Variants in SELENOT observed in about 807,000 individuals in gnomAD.
SELENOT encodes thioredoxin reductase-like selenoprotein T.
A neutral mutation model predicts 24.3 loss-of-function variants in SELENOT; 9 were observed. That is an observed-to-expected ratio of 0.37 (90% CI 0.22 to 0.65). The LOEUF (loss-of-function observed/expected upper bound fraction) is 0.65, where lower values mean the gene tolerates loss of function less well. Ranked by LOEUF, SELENOT falls within the 30% of genes least tolerant of loss-of-function variation. The pLI is 0.60. For synonymous variants in SELENOT, 81 were observed against 86.0 expected (o/e 0.94, Z 0.32); for missense variants, 166 against 247.6 (o/e 0.67, Z 2.21).
intron 1 of SELENOT, among the ~76,000 whole-genome samples, chr3:150,604,165 G>T (rs1725906962): frequency 6.6e-6 from 1 of 152,186 alleles, no homozygotes; most frequent in African/African-American, 2.4e-5. Flanking sequence ...CAGTTCGCTC[G>T]CATTCCCTCC....
At chr3:150,613,021 T>G (rs566959141) in intron 1 of SELENOT, among the ~76,000 whole-genome samples, 44 of 152,332 alleles carry the variant, frequency 2.9e-4, no homozygotes, top group Admixed American at 1.7e-3. Flanking sequence ...TACTGTACCT[T>G]CTTGAAGATG....
chr3:150,611,992 C>A, intron 1 of SELENOT: 1 of 553,664 alleles, frequency 1.8e-6, no homozygotes, highest in Non-Finnish European at 3.1e-6. Context: ...ACCAACTGGG[C>A]CTGCTGCTGC....
chr3:150,624,809 T>A lies in SELENOT; in HGVS notation c.376-3T>A, dbSNP rs1726406591. Reference sequence around the variant, plus strand: ...TGTTGTGCTTAATTATATTTTCTTTTAGGTTTATGCATGTATGATGGTTTT... The same window carrying A: ...TGTTGTGCTTAATTATATTTTCTTTAAGGTTTATGCATGTATGATGGTTTT... On this transcript the variant is annotated splice_region_variant and splice_polypyrimidine_tract_variant and intron_variant, in intron 3 of 5. Coordinates refer to ENST00000471696, the MANE Select transcript of SELENOT (RefSeq NM_016275.5). 1.3e-6 allele frequency: 2 copies of A among 1,532,074 alleles called. No individual in the cohort carries two copies. Among genetic ancestry groups the A allele is most frequent in the Non-Finnish European group, 8.8e-7 (1 of 1,133,256 alleles). The allele number at this position is 1,532,074 out of a possible 1,614,324, so 94.9% of individuals were successfully genotyped here.
chr3:150,615,942 T>G, intron 1 of SELENOT, among the ~76,000 whole-genome samples: 1 of 151,694 alleles, frequency 6.6e-6, no homozygotes, highest in East Asian at 1.9e-4. Context: ...CTGCCTGACT[T>G]CAAACTATAC....
At chr3:150,617,381 A>G (rs1726240971) in intron 1 of SELENOT, among the ~76,000 whole-genome samples, 1 of 152,196 alleles carries the variant, frequency 6.6e-6, no homozygotes. Context: ...CGGGAGGATC[A>G]CTTGAGGCCA....
chr3:150,622,635 T>A, intron 2 of SELENOT, 140 bp downstream of exon 2: 1 of 429,974 alleles, frequency 2.3e-6, no homozygotes, highest in East Asian at 3.7e-5. Flanking sequence ...GTTTTATATA[T>A]AACAAGTTTA....
intron 1 of SELENOT, among the ~76,000 whole-genome samples, chr3:150,605,037 CAAA>C (rs10663147): frequency 8.5e-6 from 1 of 117,178 alleles, no homozygotes. Context: ...AACTCCGTCT[CAAA>C]AAAAAAAAAA....
intron 1 of SELENOT, chr3:150,611,799 T>C (rs1475327655): frequency 1.9e-6 from 2 of 1,043,480 alleles, no homozygotes; most frequent in East Asian, 5.1e-5. Flanking sequence ...TCAGCCCCGA[T>C]TTCCCGGACG....
chr3:150,624,403 C>T (rs1726399287), intron 3 of SELENOT, among the ~76,000 whole-genome samples: 1 of 152,156 alleles, frequency 6.6e-6, no homozygotes, highest in Non-Finnish European at 1.5e-5. Flanking sequence ...TTTAATATGC[C>T]TATGCTTTCT....
intron 1 of SELENOT, among the ~76,000 whole-genome samples, chr3:150,607,814 G>A (rs1725999709): frequency 6.6e-6 from 1 of 152,196 alleles, no homozygotes; most frequent in Non-Finnish European, 1.5e-5. Context: ...AGACCTAAAA[G>A]AAGGTGCCGT....
chr3:150,608,392 G>A (rs1726016652), intron 1 of SELENOT, among the ~76,000 whole-genome samples: 1 of 152,172 alleles, frequency 6.6e-6, no homozygotes, highest in Admixed American at 6.5e-5. Flanking sequence ...AAAAAATACT[G>A]CCATTTAAAC....
intron 3 of SELENOT, among the ~76,000 whole-genome samples, chr3:150,624,044 A>G (rs1306856388): frequency 6.7e-6 from 1 of 148,674 alleles, no homozygotes. Context: ...TAATATAAAT[A>G]TCTTCAAGTG....
chr3:150,619,259 T>C (rs1427112525), intron 1 of SELENOT, among the ~76,000 whole-genome samples: 1 of 147,382 alleles, frequency 6.8e-6, no homozygotes, highest in Non-Finnish European at 1.5e-5. Context: ...TGGCTAGGCA[T>C]GGTGGCTCAC....
intron 3 of SELENOT, among the ~76,000 whole-genome samples, 160 bp downstream of exon 3, chr3:150,623,329 C>G (rs1726380361): frequency 6.6e-6 from 1 of 152,082 alleles, no homozygotes; most frequent in Non-Finnish European, 1.5e-5. Flanking sequence ...CTTAGCCTCC[C>G]TTCACCTTCA....
At chr3:150,615,648 T>C (rs2108009762) in intron 1 of SELENOT, among the ~76,000 whole-genome samples, 1 of 152,266 alleles carries the variant, frequency 6.6e-6, no homozygotes, top group East Asian at 1.9e-4. Context: ...ACAAGGGATG[T>C]GAAGAACCTC....
chr3:150,603,599 C>G (rs1559894143), intron 1 of SELENOT, 100 bp downstream of exon 1: 1 of 1,334,852 alleles, frequency 7.5e-7, no homozygotes, highest in African/African-American at 1.5e-5. Context: ...GCCGCATCTT[C>G]GCTGGCCTCG....
chr3:150,623,116 G>C lies in SELENOT; in HGVS notation c.322G>C (p.Ala108Pro). 1 of 1,605,894 alleles carries C rather than the reference G, an allele frequency of 6.2e-7. No homozygotes were observed. Among genetic ancestry groups the C allele is most frequent in the South Asian group, 1.1e-5 (1 of 89,796 alleles). Reference protein sequence around the residue: ...GLIIVGKDPFAFFGMQAPSIW... With the variant: ...GLIIVGKDPFPFFGMQAPSIW... Reference sequence around the variant, plus strand: ...AATAATTGTTGGCAAGGATCCTTTTGCTTTCTTTGGCATGCAAGCTCCTAG... The same window carrying C: ...AATAATTGTTGGCAAGGATCCTTTTCCTTTCTTTGGCATGCAAGCTCCTAG... Residue 108 changes from alanine to proline, a missense_variant, in exon 3 of 6, where the codon GCT (alanine) becomes CCT (proline). Around this residue, in one of 5 missense-constraint regions of SELENOT, gnomAD observed 71 missense variants for 89.2 expected, o/e 0.80. Transcript: ENST00000471696.
intron 4 of SELENOT, among the ~76,000 whole-genome samples, chr3:150,625,171 GTC>G (rs1726414634): frequency 6.6e-6 from 1 of 150,918 alleles, no homozygotes. Flanking sequence ...TTATCAGATT[GTC>G]TCTGTGAACT....
chr3:150,604,519 G>T, intron 1 of SELENOT, among the ~76,000 whole-genome samples: 1 of 152,142 alleles, frequency 6.6e-6, no homozygotes, highest in East Asian at 1.9e-4. Flanking sequence ...GTTGGTGTTG[G>T]ACATCATTCA....
Sources: gnomAD v4.1 joint callset for allele counts (sites outside exome capture counted in the v4.1 genomes callset) on GRCh38, gnomAD v4.1.1 for gene constraint, gnomAD v4.1.1 regional missense constraint, MANE v1.5 for transcripts, NCBI Gene and HGNC (gene_info 2026-07-23, HGNC 2026-07-21) for gene names.